Variants in ATG10 observed in about 807,000 individuals in gnomAD.
ATG10 encodes autophagy related 10.
Under a neutral mutation model 32.1 loss-of-function variants are expected in ATG10, and 30 were observed. That is an observed-to-expected ratio of 0.94 (90% confidence interval 0.70 to 1.27). The LOEUF (loss-of-function observed/expected upper bound fraction) is 1.27. ATG10 is among the 50% of genes most tolerant of loss of function. The pLI, the probability that ATG10 is intolerant of heterozygous loss-of-function variation, is 0.00. For synonymous variants in ATG10, 87 were observed against 91.5 expected (o/e 0.95, Z 0.28); for missense variants, 233 against 262.3 (o/e 0.89, Z 0.77).
At chr5:82,167,069 A>T (rs1743613039) in intron 4 of ATG10, among the ~76,000 whole-genome samples, 1 of 152,128 alleles carries the variant, frequency 6.6e-6, no homozygotes, top group Non-Finnish European at 1.5e-5. Context: ...GGTTCTCGAA[A>T]TGCAAATCCC....
chr5:82,037,160 G>A (rs1284317523), intron 2 of ATG10, among the ~76,000 whole-genome samples: 2 of 125,642 alleles, frequency 1.6e-5, no homozygotes, highest in African/African-American at 6.1e-5. Flanking sequence ...AAAAAATTCA[G>A]TTGAGTCCCT....
In ATG10 at chr5:82,205,124, T is replaced by C; in HGVS notation, c.453+26537T>C. On this transcript the variant is annotated intron_variant, in intron 5 of 7. Transcript: ENST00000282185. ...TTTGTTTGTTTGTTTGATTGCTTGC[T>C]TGCTTTTTAACACTGTGAGCCTATC... 1.3e-5 allele frequency among the ~76,000 whole-genome samples: 2 copies of C among 152,196 alleles called. 1 individual carries two copies. Among genetic ancestry groups the C allele is most frequent in the Non-Finnish European group, 2.9e-5 (2 of 68,044 alleles).
intron 1 of ATG10, among the ~76,000 whole-genome samples, chr5:81,984,458 T>G (rs1044500958): frequency 1.1e-4 from 17 of 152,198 alleles, no homozygotes; most frequent in Non-Finnish European, 1.9e-4. Flanking sequence ...AGATTCATTG[T>G]TTAGGATCAG....
intron 3 of ATG10, among the ~76,000 whole-genome samples, chr5:82,071,803 G>T (rs1310354622): frequency 6.6e-6 from 1 of 152,158 alleles, no homozygotes; most frequent in Non-Finnish European, 1.5e-5. Flanking sequence ...GGGGTATTAG[G>T]CTAGCTGTGC....
Position 81,980,278 on chromosome 5 carries a change from G to GT in ATG10, c.-12-7280dup, listed in dbSNP as rs745753639. Among the ~76,000 whole-genome samples the GT allele has an allele frequency of 1.7e-3, 263 of 152,218 alleles. 1 individual carries two copies. The highest frequency in any genetic ancestry group is 2.7e-3 in the Non-Finnish European group (187 of 68,006). On this transcript the variant is annotated intron_variant, in intron 1 of 7. Transcript: ENST00000282185. ...TCGGTTTGATTTCCATATTCCTAGT[G>GT]TAAGTCCATTACAGGAGCAAGCTTT...
intron 2 of ATG10, among the ~76,000 whole-genome samples, chr5:82,001,262 A>G (rs911399540): frequency 5.9e-5 from 9 of 152,184 alleles, no homozygotes; most frequent in African/African-American, 1.7e-4. Flanking sequence ...CTTCCTATCA[A>G]TCTACAATGA....
At chr5:82,120,016 G>A (rs920596113) in intron 3 of ATG10, among the ~76,000 whole-genome samples, 12 of 142,754 alleles carry the variant, frequency 8.4e-5, no homozygotes, top group Admixed American at 7.7e-4. Flanking sequence ...GTGTGTGTGT[G>A]TGTACGCACG....
chr5:82,071,384 T>C (rs1764128180), intron 3 of ATG10, among the ~76,000 whole-genome samples: 1 of 152,148 alleles, frequency 6.6e-6, no homozygotes, highest in South Asian at 2.1e-4. Context: ...ATTCCATGTC[T>C]CCCTCTGTCT....
In ATG10 at chr5:82,164,502, A is replaced by T. The variant is rs1743499908; in HGVS notation, c.320A>T (p.Gln107Leu). ...EYHVLYSCSY[Q>L]VPVLYFRASF... ...CATGTCTTATATTCCTGTAGCTACC[A>T]AGTGCCTGTACTTTACTTTAGGGCA... Residue 107 changes from glutamine to leucine, a missense_variant, in exon 4 of 8, where the codon CAA (glutamine) becomes CTA (leucine). Gln to Leu is a moderately radical substitution (Grantham distance 113). Transcript: ENST00000282185. 1 of 1,613,546 alleles carries T rather than the reference A, an allele frequency of 6.2e-7. No homozygotes were observed. The highest frequency in any genetic ancestry group is 1.1e-5 in the South Asian group (1 of 91,078).
At chr5:82,250,945 G>C (rs1263585770) in intron 5 of ATG10, among the ~76,000 whole-genome samples, 1 of 152,228 alleles carries the variant, frequency 6.6e-6, no homozygotes, top group Non-Finnish European at 1.5e-5. Context: ...TTGAGCCCAG[G>C]GCCCAGTTAG....
At chr5:82,224,933 A>G (rs1337383528) in intron 5 of ATG10, among the ~76,000 whole-genome samples, 1 of 152,240 alleles carries the variant, frequency 6.6e-6, no homozygotes, top group Non-Finnish European at 1.5e-5. Flanking sequence ...CATGTATTAA[A>G]AATAAGGACA....
chr5:82,025,065 A>G (rs1021951150), intron 2 of ATG10, among the ~76,000 whole-genome samples: 2 of 152,260 alleles, frequency 1.3e-5, no homozygotes, highest in African/African-American at 4.8e-5. Context: ...GGTCTTGACA[A>G]AAAGTGAAGA....
chr5:82,137,291 A>C (rs1766800715), intron 3 of ATG10, among the ~76,000 whole-genome samples: 1 of 150,866 alleles, frequency 6.6e-6, no homozygotes, highest in Non-Finnish European at 1.5e-5. Context: ...GAGAAGAGGC[A>C]TTCTGGTTTT....
rs537788958 is a variant in ATG10, at chr5:82,216,731, A to G, written c.454-35831A>G. ...CTCATGCTATTAGGAGTTTCATTAG[A>G]TTTATTTGAGTCCACAGCTATAAGA... On this transcript the variant is annotated intron_variant, in intron 5 of 7. Coordinates refer to ENST00000282185, the MANE Select transcript of ATG10 (RefSeq NM_031482.5). Among the ~76,000 whole-genome samples, 53 of 152,276 alleles carry G rather than the reference A, an allele frequency of 3.5e-4. No homozygotes were observed. The South Asian group carries it at 0.011, about 32-fold the overall frequency.
At chr5:82,181,305 G>T (rs1176066674) in intron 5 of ATG10, among the ~76,000 whole-genome samples, 1 of 152,076 alleles carries the variant, frequency 6.6e-6, no homozygotes, top group Non-Finnish European at 1.5e-5. Flanking sequence ...CTTTAAAATT[G>T]CTCATCACAG....
chr5:82,023,653 C>T (rs916708294), intron 2 of ATG10, among the ~76,000 whole-genome samples: 1 of 152,176 alleles, frequency 6.6e-6, no homozygotes, highest in Non-Finnish European at 1.5e-5. Flanking sequence ...TGCACATATG[C>T]TTTCACTGTT....
intron 2 of ATG10, among the ~76,000 whole-genome samples, chr5:82,018,549 T>C (rs908037444): frequency 6.6e-6 from 1 of 152,206 alleles, no homozygotes; most frequent in Non-Finnish European, 1.5e-5. Flanking sequence ...TTCTCCACTT[T>C]CTTACTCCCC....
chr5:82,019,778 C>T (rs902102257), intron 2 of ATG10, among the ~76,000 whole-genome samples: 14 of 152,192 alleles, frequency 9.2e-5, no homozygotes, highest in African/African-American at 2.9e-4. Context: ...TGCTCATCTG[C>T]TCTTTTCTGC....
chr5:82,067,474 C>T (rs546750343), intron 3 of ATG10, among the ~76,000 whole-genome samples: 9 of 152,252 alleles, frequency 5.9e-5, no homozygotes, highest in African/African-American at 2.2e-4. Flanking sequence ...CTTAGGGGAT[C>T]TTAAAGCAGT....
Sources: allele counts gnomAD v4.1 joint callset (sites outside exome capture counted in the v4.1 genomes callset), GRCh38; gene constraint gnomAD v4.1.1; transcripts MANE v1.5; gene names NCBI Gene and HGNC (gene_info 2026-07-23, HGNC 2026-07-21).